Variants in MCPH1 observed in about 807,000 individuals in gnomAD.
The protein encoded by MCPH1 is microcephalin.
In MCPH1, 104 loss-of-function variants were observed where a neutral mutation model predicts 84.5. That is an observed-to-expected ratio of 1.23 (90% confidence interval 1.05 to 1.45). MCPH1 has a LOEUF of 1.45. MCPH1 is among the 40% of genes most tolerant of loss of function. The pLI is 0.00. For missense variants in MCPH1, 1,498 were observed against 1,005.7 expected (o/e 1.49, Z -6.62); for synonymous variants, 514 against 366.8 (o/e 1.40, Z -4.58).
chr8:6,453,684 G>A (rs374627706), intron 8 of MCPH1, among the ~76,000 whole-genome samples: 3 of 152,160 alleles, frequency 2.0e-5, no homozygotes, highest in Non-Finnish European at 2.9e-5. Context: ...AAATAAGTGC[G>A]TAGTAGATAT....
intron 12 of MCPH1, among the ~76,000 whole-genome samples, chr8:6,555,397 T>G (rs1396935949): frequency 6.6e-6 from 1 of 152,066 alleles, no homozygotes; most frequent in Non-Finnish European, 1.5e-5. Context: ...ATGTATGGTT[T>G]GTAAGAATAT....
intron 6 of MCPH1, 137 bp from the exon 7 acceptor site, chr8:6,441,930 C>T (rs1803573963): frequency 1.5e-6 from 1 of 669,478 alleles, no homozygotes; most frequent in Non-Finnish European, 2.7e-6. Context: ...GGCAAGTTGA[C>T]TTTAAGATCC....
At chr8:6,454,786 A>T (rs1215411722) in intron 8 of MCPH1, among the ~76,000 whole-genome samples, 1 of 152,236 alleles carries the variant, frequency 6.6e-6, no homozygotes, top group South Asian at 2.1e-4. Flanking sequence ...TCTAATATGG[A>T]ACTGCCTACT....
intron 12 of MCPH1, among the ~76,000 whole-genome samples, chr8:6,528,420 A>T (rs1818792017): frequency 6.6e-6 from 1 of 152,250 alleles, no homozygotes; most frequent in African/African-American, 2.4e-5. Flanking sequence ...TGGAAGTCAC[A>T]TGCTTCCATT....
chr8:6,576,372 A>C (rs1316828770), intron 12 of MCPH1, among the ~76,000 whole-genome samples: 1 of 152,084 alleles, frequency 6.6e-6, no homozygotes, highest in East Asian at 1.9e-4. Flanking sequence ...ATATGTCTGT[A>C]ACCATTGTTG....
At chr8:6,601,292 T>C (rs995315308) in intron 12 of MCPH1, among the ~76,000 whole-genome samples, 3 of 152,204 alleles carry the variant, frequency 2.0e-5, no homozygotes, top group Non-Finnish European at 4.4e-5. Flanking sequence ...TCCCAGTTTC[T>C]AGTCATTTCC....
intron 12 of MCPH1, among the ~76,000 whole-genome samples, chr8:6,541,442 A>T (rs1226496234): frequency 6.6e-6 from 1 of 152,126 alleles, no homozygotes; most frequent in Non-Finnish European, 1.5e-5. Context: ...TCTGAGAAAG[A>T]CAATATTTCT....
chr8:6,605,069 C>T (rs949189320), intron 12 of MCPH1, among the ~76,000 whole-genome samples: 4 of 152,100 alleles, frequency 2.6e-5, no homozygotes, highest in African/African-American at 4.8e-5. Flanking sequence ...CCCTCCTTGT[C>T]GCCTGACCTC....
intron 12 of MCPH1, among the ~76,000 whole-genome samples, chr8:6,620,789 C>T (rs13256443): frequency 6.6e-6 from 1 of 152,102 alleles, no homozygotes; most frequent in Non-Finnish European, 1.5e-5. Context: ...CAGATGACCA[C>T]ACATTGCCAG....
At chr8:6,582,534 T>G (rs1827640902) in intron 12 of MCPH1, among the ~76,000 whole-genome samples, 1 of 152,188 alleles carries the variant, frequency 6.6e-6, no homozygotes, top group African/African-American at 2.4e-5. Context: ...TCCTTACTCC[T>G]TTATTTTATT....
At chr8:6,633,846 C>G (rs1797340943) in intron 13 of MCPH1, among the ~76,000 whole-genome samples, 1 of 152,044 alleles carries the variant, frequency 6.6e-6, no homozygotes, top group South Asian at 2.1e-4. Context: ...CTGAAAATGT[C>G]GAAAAGGCCT....
Position 6,442,050 on chromosome 8 carries a change from CTT to C in MCPH1, c.581-16_581-15del, listed in dbSNP as rs1563213052. The C allele has an allele frequency of 6.3e-7, 1 of 1,582,408 alleles. No individual in the cohort carries two copies. Among genetic ancestry groups the C allele is most frequent in the African/African-American group, 1.3e-5 (1 of 74,332 alleles). On this transcript the variant is annotated splice_polypyrimidine_tract_variant and intron_variant, in intron 6 of 13. Coordinates refer to ENST00000344683, the MANE Select transcript of MCPH1 (RefSeq NM_024596.5). ...ACTGAAACTTTATCTAATGCAGTGT[CTT>C]GGTCCTGTTTTTAGCTTCCCAAATG...
intron 1 of MCPH1, among the ~76,000 whole-genome samples, chr8:6,408,963 G>A (rs1378015786): frequency 6.6e-6 from 1 of 151,436 alleles, no homozygotes; most frequent in Non-Finnish European, 1.5e-5. Context: ...TCGGCTCACT[G>A]CAACCTCTGC....
At chr8:6,500,026 G>A in intron 12 of MCPH1, 97 bp downstream of exon 12, 4 of 948,724 alleles carry the variant, frequency 4.2e-6, no homozygotes, top group African/African-American at 1.6e-5. Context: ...ATCCAGTCAA[G>A]CACAATTATG....
At position 6,620,798 on chromosome 8, in the gene MCPH1, A is replaced by T. The variant is rs534071451; in HGVS notation, c.2215-656A>T. Among the ~76,000 whole-genome samples the T allele has an allele frequency of 5.8e-4, 89 of 152,314 alleles. No individual in the cohort carries two copies. The South Asian group carries it at 8.5e-3, about 15-fold the overall frequency. On this transcript the variant is annotated intron_variant, in intron 12 of 13. Transcript: ENST00000344683. ...GTCAAACAGATGACCACACATTGCC[A>T]GAATGAGAAGCAGAGCAGCTTCACA...
intron 13 of MCPH1, among the ~76,000 whole-genome samples, chr8:6,621,963 C>T (rs1160719459): frequency 6.6e-6 from 1 of 152,218 alleles, no homozygotes; most frequent in African/African-American, 2.4e-5. Context: ...TCCAGGCTAC[C>T]CAAAGCCACC....
At chr8:6,415,914 T>C (rs1799217999) in intron 3 of MCPH1, among the ~76,000 whole-genome samples, 1 of 152,176 alleles carries the variant, frequency 6.6e-6, no homozygotes, top group South Asian at 2.1e-4. Context: ...GTTCATAATA[T>C]TTAATCTTTC....
At chr8:6,518,528 A>G (rs1465006655) in intron 12 of MCPH1, among the ~76,000 whole-genome samples, 1 of 152,216 alleles carries the variant, frequency 6.6e-6, no homozygotes, top group African/African-American at 2.4e-5. Flanking sequence ...GAATAGCACA[A>G]TATTTATCTT....
At chr8:6,485,476 C>G (rs1166651258) in intron 11 of MCPH1, among the ~76,000 whole-genome samples, 43 of 152,096 alleles carry the variant, frequency 2.8e-4, no homozygotes, top group Admixed American at 2.7e-3. Context: ...ACTGCTGCCT[C>G]TGTACCTATA....
Sources: allele counts gnomAD v4.1 joint callset (sites outside exome capture counted in the v4.1 genomes callset), GRCh38; gene constraint gnomAD v4.1.1; transcripts MANE v1.5; gene names NCBI Gene and HGNC (gene_info 2026-07-23, HGNC 2026-07-21).